Variants in MORN5 observed in about 807,000 individuals in gnomAD.
MORN5 encodes MORN repeat containing 5.
A neutral mutation model predicts 22.1 loss-of-function variants in MORN5; 21 were observed. The observed-to-expected ratio is 0.95, with a 90% confidence interval of 0.67 to 1.37. MORN5 has a LOEUF of 1.37. Among genes scored for constraint, MORN5 ranks in the 40% most tolerant of loss-of-function variants. The probability of loss-of-function intolerance (pLI) is 0.00; values close to 1 mark genes in which losing one functional copy is unlikely to be tolerated. For missense variants in MORN5, 211 were observed against 215.1 expected, an observed-to-expected ratio of 0.98 and a Z score of 0.12; for synonymous variants, 73 against 74.0, an observed-to-expected ratio of 0.99 and a Z score of 0.07.
At chr9:122,166,683 C>T (rs1256424449) in intron 1 of MORN5, 85 bp from the exon 2 acceptor site, 15 of 1,276,266 alleles carry the variant, frequency 1.2e-5, no homozygotes, top group South Asian at 1.0e-4. Flanking sequence ...ATGCTGAGAA[C>T]GGGGTTCCTG....
At chr9:122,177,609 T>C (rs921960575) in intron 4 of MORN5, among the ~76,000 whole-genome samples, 3 of 152,104 alleles carry the variant, frequency 2.0e-5, no homozygotes, top group Admixed American at 6.5e-5. Context: ...ATTTTTGTAT[T>C]TTTAGTAGAG....
chr9:122,193,672 A>G (rs1829824335), intron 4 of MORN5, among the ~76,000 whole-genome samples: 1 of 152,270 alleles, frequency 6.6e-6, no homozygotes, highest in South Asian at 2.1e-4. Context: ...TTTCAATTTT[A>G]TATACACTAA....
At chr9:122,187,558 T>C (rs1829663590) in intron 4 of MORN5, among the ~76,000 whole-genome samples, 2 of 152,108 alleles carry the variant, frequency 1.3e-5, no homozygotes, top group Non-Finnish European at 2.9e-5. Context: ...TATACATAAA[T>C]AGACAGTCAC....
rs115834988 is a variant in MORN5, at chr9:122,173,470, G to A, written c.308-1026G>A. Reference sequence around the variant, plus strand: ...GGATCAGGGTCAGTGTCAGGGTTACGGTTAGGTATGTCATTAAGCAACACA... The same window carrying A: ...GGATCAGGGTCAGTGTCAGGGTTACAGTTAGGTATGTCATTAAGCAACACA... On this transcript the variant is annotated intron_variant, in intron 3 of 4. Transcript: ENST00000373764. 8.5e-3 allele frequency among the ~76,000 whole-genome samples: 1,294 copies of A among 152,256 alleles called. 13 individuals carry two copies. The highest frequency in any genetic ancestry group is 0.029 in the African/African-American group (1,205 of 41,542).
chr9:122,176,170 T>C (rs998340388), intron 4 of MORN5, among the ~76,000 whole-genome samples: 2 of 149,774 alleles, frequency 1.3e-5, no homozygotes, highest in Non-Finnish European at 3.0e-5. Flanking sequence ...ATCCTATGAC[T>C]GGAATCCTGG....
At chr9:122,167,352 C>CTT (rs1829302079) in intron 2 of MORN5, among the ~76,000 whole-genome samples, 1 of 96,104 alleles carries the variant, frequency 1.0e-5, no homozygotes, top group Non-Finnish European at 2.5e-5. Context: ...CCGCACCTGA[C>CTT]CTTTTTTTTT....
chr9:122,177,642 G>A (rs12345799), intron 4 of MORN5, among the ~76,000 whole-genome samples: 71,522 of 151,786 alleles, frequency 0.47, 17,442 homozygotes, highest in Middle Eastern at 0.53. Context: ...CATGTTGGCC[G>A]GGCTGGTCTT....
chr9:122,164,106 A>T (rs1418570828), intron 1 of MORN5, among the ~76,000 whole-genome samples: 2 of 152,210 alleles, frequency 1.3e-5, no homozygotes, highest in Admixed American at 6.5e-5. Flanking sequence ...TGAAGCCTTC[A>T]CTATAAAGTG....
chr9:122,199,918 G>C lies in MORN5; in HGVS notation c.473G>C (p.Cys158Ser). The C allele has an allele frequency of 6.2e-7, 1 of 1,614,002 alleles. No individual in the cohort carries two copies. Residue 158 changes from cysteine (C) to serine (S), a missense_variant, in exon 5 of 5, where the codon TGT becomes TCT. By Grantham distance (112) the Cys-to-Ser change is moderately radical. Coordinates refer to ENST00000373764, the MANE Select transcript of MORN5 (RefSeq NM_198469.4). ...GAGCATGAGTGGATCACCCGTACCT[G>C]TCGAAAGGGCTAGGATGAGATCGTG... ...DDEHEWITRT[C>S]RKG
intron 4 of MORN5, among the ~76,000 whole-genome samples, chr9:122,185,439 G>A (rs559635674): frequency 2.1e-5 from 3 of 144,350 alleles, no homozygotes; most frequent in African/African-American, 5.4e-5. Context: ...ATGTAGCCAG[G>A]ATGGTCTCGA....
intron 4 of MORN5, among the ~76,000 whole-genome samples, chr9:122,177,310 T>C (rs1829467042): frequency 6.6e-6 from 1 of 152,250 alleles, no homozygotes; most frequent in Non-Finnish European, 1.5e-5. Context: ...GGGCGTATCT[T>C]TGTCTGCCTG....
At chr9:122,171,241 C>T (rs1829361183) in intron 3 of MORN5, among the ~76,000 whole-genome samples, 1 of 152,334 alleles carries the variant, frequency 6.6e-6, no homozygotes, top group South Asian at 2.1e-4. Flanking sequence ...AGGAAGCACT[C>T]AGGCACTGGA....
chr9:122,170,219 T>G (rs753321220), intron 3 of MORN5, among the ~76,000 whole-genome samples: 2 of 150,512 alleles, frequency 1.3e-5, no homozygotes, highest in Non-Finnish European at 2.9e-5. Context: ...TCGTTTGAAC[T>G]CAGGAGGTGG....
intron 4 of MORN5, among the ~76,000 whole-genome samples, chr9:122,188,175 C>A (rs1028156690): frequency 1.3e-5 from 2 of 152,204 alleles, no homozygotes; most frequent in Non-Finnish European, 2.9e-5. Context: ...AGCTTCAGTC[C>A]TTCAGACGGT....
At chr9:122,180,857 G>T (rs1402638053) in intron 4 of MORN5, among the ~76,000 whole-genome samples, 2 of 152,154 alleles carry the variant, frequency 1.3e-5, no homozygotes, top group Admixed American at 1.3e-4. Context: ...CAGCTTGAGG[G>T]CAGGGACCAC....
At chr9:122,191,011 A>AC (rs1455611937) in intron 4 of MORN5, among the ~76,000 whole-genome samples, 25 of 151,826 alleles carry the variant, frequency 1.6e-4, no homozygotes, top group South Asian at 8.4e-4. Flanking sequence ...ATGGGCCTAG[A>AC]CCCCCCCAAA....
At chr9:122,199,258 G>A (rs752889047) in intron 4 of MORN5, among the ~76,000 whole-genome samples, 1 of 152,222 alleles carries the variant, frequency 6.6e-6, no homozygotes, top group Non-Finnish European at 1.5e-5. Context: ...GCCTCTGTGA[G>A]CCTCTGTTTG....
chr9:122,175,461 T>C (rs1392938820), intron 4 of MORN5: 1 of 985,164 alleles, frequency 1.0e-6, no homozygotes. Flanking sequence ...AATACACAAA[T>C]AATAGAACAT....
At chr9:122,166,483 G>A (rs13296237) in intron 1 of MORN5, among the ~76,000 whole-genome samples, 70,249 of 151,562 alleles carry the variant, frequency 0.46, 16,909 homozygotes, top group Middle Eastern at 0.54. Context: ...ACATCTCTAC[G>A]CTCTCTGGGC....
Sources: gnomAD v4.1 joint callset for allele counts (sites outside exome capture counted in the v4.1 genomes callset) on GRCh38, gnomAD v4.1.1 for gene constraint, MANE v1.5 for transcripts, NCBI Gene and HGNC (gene_info 2026-07-23, HGNC 2026-07-21) for gene names.